Variants in PCNX1 observed in about 807,000 individuals in gnomAD.
PCNX1 encodes pecanex-like protein 1.
In PCNX1, 78 loss-of-function variants were observed where a neutral mutation model predicts 242.2. The observed-to-expected ratio is 0.32, with a 90% CI of 0.27 to 0.39. The LOEUF (loss-of-function observed/expected upper bound fraction) is 0.39, where lower values mean the gene tolerates loss of function less well. PCNX1 is among the 10% of genes least tolerant of loss of function. The pLI, the probability that PCNX1 is intolerant of heterozygous loss-of-function variation, is 1.00. For synonymous variants in PCNX1, 1,024 were observed against 1,032.9 expected, an observed-to-expected ratio of 0.99 and a Z score of 0.17; for missense variants, 2,581 against 2,856.5, an observed-to-expected ratio of 0.90 and a Z score of 2.20.
chr14:70,966,810 T>C (rs2058393039), intron 3 of PCNX1, among the ~76,000 whole-genome samples: 1 of 152,222 alleles, frequency 6.6e-6, no homozygotes, highest in South Asian at 2.1e-4. Flanking sequence ...AATTTCTGTC[T>C]AGGAAGTTAT....
At chr14:70,948,449 A>G (rs1594993501) in intron 2 of PCNX1, among the ~76,000 whole-genome samples, 1 of 152,078 alleles carries the variant, frequency 6.6e-6, no homozygotes, top group African/African-American at 2.4e-5. Flanking sequence ...TAAATACACT[A>G]CTGTATGATA....
At chr14:70,972,253 G>T (rs1349904989) in intron 5 of PCNX1, among the ~76,000 whole-genome samples, 1 of 151,548 alleles carries the variant, frequency 6.6e-6, no homozygotes, top group Non-Finnish European at 1.5e-5. Flanking sequence ...CAGATTCAGG[G>T]TGGGGAGAGC....
intron 1 of PCNX1, among the ~76,000 whole-genome samples, chr14:70,936,160 T>C (rs1478501135): frequency 9.2e-5 from 14 of 152,238 alleles, no homozygotes; most frequent in Admixed American, 4.6e-4. Flanking sequence ...CTTTAAGTTC[T>C]AGGGTACATG....
At chr14:71,054,232 A>G (rs993153087) in intron 24 of PCNX1, among the ~76,000 whole-genome samples, 3 of 152,260 alleles carry the variant, frequency 2.0e-5, no homozygotes, top group Admixed American at 1.3e-4. Flanking sequence ...ACTATATTAC[A>G]TCAAAATTCA....
At chr14:71,003,335 C>T (rs760447077) in intron 8 of PCNX1, among the ~76,000 whole-genome samples, 1 of 152,092 alleles carries the variant, frequency 6.6e-6, no homozygotes, top group Non-Finnish European at 1.5e-5. Flanking sequence ...AGGTGATCTG[C>T]CCGCCTCGGC....
chr14:70,960,318 T>C (rs987258027), intron 2 of PCNX1, among the ~76,000 whole-genome samples: 5 of 147,960 alleles, frequency 3.4e-5, no homozygotes, highest in African/African-American at 1.3e-4. Context: ...GCCTATGTCC[T>C]GAATGGTAAA....
intron 27 of PCNX1, among the ~76,000 whole-genome samples, 186 bp from the exon 28 acceptor site, chr14:71,076,003 T>A (rs2061708995): frequency 6.6e-6 from 1 of 152,014 alleles, no homozygotes. Flanking sequence ...CTGAGGTATA[T>A]TATTATAGTA....
chr14:71,091,971 T>G (rs945022920), intron 30 of PCNX1, among the ~76,000 whole-genome samples: 3 of 152,356 alleles, frequency 2.0e-5, no homozygotes, highest in Admixed American at 6.5e-5. Flanking sequence ...GCAGTTCTTG[T>G]GTATTTCTCA....
Position 71,026,812 on chromosome 14 carries a change from C to A in PCNX1, c.3396C>A (p.Leu1132=). 6.3e-7 allele frequency: 1 copy of A among 1,580,938 alleles called. No homozygotes were observed. Among genetic ancestry groups the A allele is most frequent in the Middle Eastern group, 1.7e-4 (1 of 5,980 alleles). Residue 1132 remains leucine (L), a synonymous_variant, in exon 15 of 36, where the codon CTC becomes CTA. Coordinates refer to ENST00000304743, the MANE Select transcript of PCNX1 (RefSeq NM_014982.3). ...LCFPIVFFIG[L]LPQVNTFVMY... ...TCCCAATAGTGTTTTTCATTGGTCTCCTGCCTCAGGTGAATACATTTGTAA... is the reference window on the plus strand; with the variant it reads ...TCCCAATAGTGTTTTTCATTGGTCTACTGCCTCAGGTGAATACATTTGTAA...
chr14:70,976,883 A>G (rs544834062), intron 5 of PCNX1, 59 bp from the exon 6 acceptor site: 2 of 1,418,622 alleles, frequency 1.4e-6, no homozygotes, highest in African/African-American at 1.4e-5. Context: ...CCATTGTTAA[A>G]CAGTAGAAAA....
intron 25 of PCNX1, 120 bp from the exon 26 acceptor site, chr14:71,057,389 G>A: frequency 1.5e-6 from 1 of 657,298 alleles, no homozygotes; most frequent in South Asian, 1.9e-5. Flanking sequence ...GGGTATGAAT[G>A]TTATTTTCCT....
intron 1 of PCNX1, among the ~76,000 whole-genome samples, chr14:70,918,472 T>C (rs1219967617): frequency 6.6e-6 from 1 of 152,152 alleles, no homozygotes; most frequent in African/African-American, 2.4e-5. Context: ...AATAGTAAAA[T>C]CAAAGATTAC....
At chr14:70,939,595 GA>G (rs2057151314) in intron 1 of PCNX1, among the ~76,000 whole-genome samples, 1 of 152,182 alleles carries the variant, frequency 6.6e-6, no homozygotes, top group South Asian at 2.1e-4. Flanking sequence ...TTGCTGAGAA[GA>G]ATGTATATTC....
intron 19 of PCNX1, among the ~76,000 whole-genome samples, chr14:71,041,833 C>T (rs938083966): frequency 4.0e-5 from 6 of 151,594 alleles, no homozygotes; most frequent in Non-Finnish European, 5.9e-5. Context: ...CTATACACTT[C>T]CCTTTAGCAT....
At chr14:71,052,606 C>T (rs771065205) in intron 24 of PCNX1, among the ~76,000 whole-genome samples, 1 of 152,104 alleles carries the variant, frequency 6.6e-6, no homozygotes, top group Non-Finnish European at 1.5e-5. Context: ...AATTATTTCA[C>T]ATTAATAATA....
chr14:71,031,537 A>C, intron 16 of PCNX1: 1 of 429,158 alleles, frequency 2.3e-6, no homozygotes, highest in Non-Finnish European at 4.4e-6. Flanking sequence ...AGGACAGCAC[A>C]CAAGAATGCC....
intron 1 of PCNX1, among the ~76,000 whole-genome samples, chr14:70,916,475 G>C (rs180791574): frequency 1.3e-4 from 20 of 152,308 alleles, no homozygotes; most frequent in Admixed American, 3.3e-4. Flanking sequence ...TTTGGTTCCA[G>C]ATCACTGCGA....
At chr14:71,050,807 GATAA>G (rs1566748766) in intron 23 of PCNX1, 47 bp downstream of exon 23, 1 of 1,549,574 alleles carries the variant, frequency 6.5e-7, no homozygotes, top group South Asian at 1.1e-5. Context: ...TCATATCCTA[GATAA>G]GAATGTTGGT....
intron 19 of PCNX1, among the ~76,000 whole-genome samples, chr14:71,036,792 T>G (rs2060549239): frequency 6.6e-6 from 1 of 152,262 alleles, no homozygotes. Flanking sequence ...TTTATTTGTT[T>G]TTTTAATCAA....
Sources: allele counts gnomAD v4.1 joint callset (sites outside exome capture counted in the v4.1 genomes callset), GRCh38; gene constraint gnomAD v4.1.1; transcripts MANE v1.5; gene names NCBI Gene and HGNC (gene_info 2026-07-23, HGNC 2026-07-21).